Variants in SMC5 observed in about 807,000 individuals in gnomAD.
SMC5 encodes structural maintenance of chromosomes protein 5.
A neutral mutation model predicts 148.3 loss-of-function variants in SMC5; 88 were observed. The ratio of observed to expected loss-of-function variants is 0.59; its 90% CI spans 0.50 to 0.71. The LOEUF (loss-of-function observed/expected upper bound fraction) is 0.71. Ranked by LOEUF, SMC5 falls within the 30% of genes least tolerant of loss-of-function variation. The pLI is 0.00. For missense variants in SMC5, 1,142 were observed against 1,298.9 expected (o/e 0.88, Z 1.86); for synonymous variants, 421 against 432.8 (o/e 0.97, Z 0.34).
At chr9:70,328,861 C>T (rs118100030) in intron 17 of SMC5, among the ~76,000 whole-genome samples, 2,764 of 152,332 alleles carry the variant, frequency 0.018, 41 homozygotes, top group East Asian at 0.043. Context: ...TCCATACATC[C>T]TTTGAAACCT....
At chr9:70,325,276 T>C (rs909930055) in intron 17 of SMC5, among the ~76,000 whole-genome samples, 2 of 152,148 alleles carry the variant, frequency 1.3e-5, no homozygotes, top group Non-Finnish European at 2.9e-5. Context: ...CCAAGAACTT[T>C]AGAGGAACCA....
chr9:70,263,349 T>C (rs1000314595), intron 1 of SMC5, among the ~76,000 whole-genome samples: 1 of 152,208 alleles, frequency 6.6e-6, no homozygotes, highest in Non-Finnish European at 1.5e-5. Flanking sequence ...CACCTGTATT[T>C]TTATTACCAC....
intron 17 of SMC5, among the ~76,000 whole-genome samples, chr9:70,331,129 C>G (rs2036207580): frequency 6.6e-6 from 1 of 152,048 alleles, no homozygotes; most frequent in Non-Finnish European, 1.5e-5. Flanking sequence ...CCAAGCTGTT[C>G]CATTTTCCAG....
chr9:70,320,264 A>G (rs900294775), intron 15 of SMC5, among the ~76,000 whole-genome samples: 6 of 152,200 alleles, frequency 3.9e-5, no homozygotes, highest in African/African-American at 9.6e-5. Flanking sequence ...CCACAGATCA[A>G]AAATATTCAA....
intron 18 of SMC5, among the ~76,000 whole-genome samples, chr9:70,345,994 T>G (rs1254421480): frequency 6.6e-6 from 1 of 152,080 alleles, no homozygotes; most frequent in Non-Finnish European, 1.5e-5. Context: ...GGATTTGACA[T>G]GAAGGATGAG....
At chr9:70,292,036 A>G (rs1207448990) in intron 8 of SMC5, among the ~76,000 whole-genome samples, 1 of 152,094 alleles carries the variant, frequency 6.6e-6, no homozygotes, top group Non-Finnish European at 1.5e-5. Flanking sequence ...AGATTCAGCC[A>G]TTTTTCTTGA....
intron 8 of SMC5, among the ~76,000 whole-genome samples, chr9:70,293,066 G>A (rs1252699728): frequency 1.3e-5 from 2 of 152,008 alleles, no homozygotes; most frequent in Non-Finnish European, 2.9e-5. Flanking sequence ...GTGTAGAATT[G>A]ATGTTTATAT....
At chr9:70,323,665 G>A (rs2036006078) in intron 16 of SMC5, 59 bp downstream of exon 16, 2 of 1,534,704 alleles carry the variant, frequency 1.3e-6, no homozygotes, top group Admixed American at 4.1e-5. Flanking sequence ...AGATAAGATA[G>A]TAAAATCTTT....
chr9:70,307,386 C>A (rs968024649), intron 11 of SMC5, among the ~76,000 whole-genome samples: 2 of 152,144 alleles, frequency 1.3e-5, no homozygotes, highest in African/African-American at 4.8e-5. Flanking sequence ...TCTGTCATTC[C>A]TTCTGTGTTT....
At chr9:70,342,750 A>G (rs562728949) in intron 17 of SMC5, among the ~76,000 whole-genome samples, 1 of 152,200 alleles carries the variant, frequency 6.6e-6, no homozygotes, top group African/African-American at 2.4e-5. Context: ...TCCCTGTTGC[A>G]TGTGAAATTT....
chr9:70,259,199 C>G lies in SMC5; in HGVS notation c.121C>G (p.Leu41Val), dbSNP rs780256240. ...GAAGAATTCGGCCCCGCAGCTGCCG[C>G]TGTTGCAGTCGTCCGGGCCTTTCGT... ...KRKNSAPQLP[L>V]LQSSGPFVEG... Residue 41 changes from leucine to valine, a missense_variant, in exon 1 of 25, where the codon CTG becomes GTG. Physicochemically the swap from Leu to Val is conservative, Grantham distance 32. This residue lies in a region of SMC5 where 297 missense variants were observed against 302.6 expected (regional missense o/e 0.98). Coordinates refer to ENST00000361138, the MANE Select transcript of SMC5 (RefSeq NM_015110.4). 6.2e-7 allele frequency: 1 copy of G among 1,608,912 alleles called. No individual in the cohort carries two copies. Among genetic ancestry groups the G allele is most frequent in the Admixed American group, 1.7e-5 (1 of 59,392 alleles).
intron 24 of SMC5, among the ~76,000 whole-genome samples, chr9:70,351,913 T>G (rs1434293174): frequency 6.6e-6 from 1 of 151,896 alleles, no homozygotes; most frequent in Non-Finnish European, 1.5e-5. Context: ...CTGTCTGTAC[T>G]AAAAATACAA....
intron 11 of SMC5, chr9:70,311,160 A>G (rs188260851): frequency 1.1e-3 from 170 of 152,278 alleles, no homozygotes; most frequent in African/African-American, 3.9e-3. Flanking sequence ...AACTTTTGTC[A>G]TGCCTTCCTC....
chr9:70,274,122 C>G (rs558389601), intron 3 of SMC5, among the ~76,000 whole-genome samples: 8 of 152,226 alleles, frequency 5.3e-5, no homozygotes, highest in Non-Finnish European at 8.8e-5. Context: ...CGCTTAGTCG[C>G]CCAGGCTGGA....
intron 8 of SMC5, among the ~76,000 whole-genome samples, chr9:70,288,603 A>G (rs976276332): frequency 2.6e-5 from 4 of 151,952 alleles, no homozygotes; most frequent in African/African-American, 9.7e-5. Flanking sequence ...TAGGATATAA[A>G]TTTTTGGGCA....
intron 17 of SMC5, among the ~76,000 whole-genome samples, chr9:70,337,938 A>G (rs183113520): frequency 6.6e-6 from 1 of 152,180 alleles, no homozygotes; most frequent in Admixed American, 6.5e-5. Flanking sequence ...TTCAGAAAGC[A>G]CAAATAGCCA....
At chr9:70,261,166 A>AT (rs1216897158) in intron 1 of SMC5, among the ~76,000 whole-genome samples, 1 of 152,226 alleles carries the variant, frequency 6.6e-6, no homozygotes, top group Non-Finnish European at 1.5e-5. Flanking sequence ...GTGAATGAGT[A>AT]TTTGGACAAA....
In SMC5 at chr9:70,282,506, G is replaced by A. The variant is rs1481215919; in HGVS notation, c.904G>A (p.Gly302Arg). The A allele has an allele frequency of 1.9e-6, 3 of 1,608,686 alleles. No individual in the cohort carries two copies. The highest frequency in any genetic ancestry group is 2.5e-6 in the Non-Finnish European group (3 of 1,178,214). Residue 302 changes from glycine (G) to arginine (R), a missense_variant, in exon 7 of 25, where the codon GGG becomes AGG. By Grantham distance (125) the Gly-to-Arg change is moderately radical (BLOSUM62 -2). Coordinates refer to ENST00000361138, the MANE Select transcript of SMC5 (RefSeq NM_015110.4). ...VKEEVRKLKE[G>R]QIPVTCRIEE... ...GGAAGAGGTCAGAAAACTTAAAGAA[G>A]GGCAGATTCCTGTAACATGTCGAAT...
intron 10 of SMC5, among the ~76,000 whole-genome samples, chr9:70,300,548 T>C (rs2035332139): frequency 6.6e-6 from 1 of 152,076 alleles, no homozygotes; most frequent in Non-Finnish European, 1.5e-5. Flanking sequence ...AATGCTGCTG[T>C]AAATAGGTTG....
Sources: allele counts gnomAD v4.1 joint callset (sites outside exome capture counted in the v4.1 genomes callset), GRCh38; gene constraint gnomAD v4.1.1; regional missense constraint gnomAD v4.1.1; transcripts MANE v1.5; gene names NCBI Gene and HGNC (gene_info 2026-07-23, HGNC 2026-07-21).